Variants in SLC7A11 observed in about 807,000 individuals in gnomAD.
SLC7A11 encodes cystine/glutamate transporter.
Under a neutral mutation model 54.5 loss-of-function variants are expected in SLC7A11, and 35 were observed. The ratio of observed to expected loss-of-function variants is 0.64; its 90% CI spans 0.49 to 0.85. SLC7A11 has a LOEUF of 0.85. SLC7A11 is among the 40% of genes least tolerant of loss of function. The pLI is 0.00. For synonymous variants in SLC7A11, 230 were observed against 225.2 expected (o/e 1.02, Z -0.19); for missense variants, 583 against 618.1 (o/e 0.94, Z 0.60).
At chr4:138,210,999 T>C (rs2148436180) in intron 6 of SLC7A11, among the ~76,000 whole-genome samples, 1 of 152,170 alleles carries the variant, frequency 6.6e-6, no homozygotes, top group Middle Eastern at 3.4e-3. Context: ...TCAACTTTAG[T>C]TCCCATCAAA....
chr4:138,237,937 G>C lies in SLC7A11; in HGVS notation c.278-1486C>G, dbSNP rs918978356. Among the ~76,000 whole-genome samples the C allele has an allele frequency of 2.7e-5, 4 of 149,768 alleles. No individual in the cohort carries two copies. The Admixed American group carries it at 2.7e-4, about 10-fold the overall frequency. ...TGGCTAATTTTTTGTATTTTTAGTA[G>C]AGACAGGGTTTCTCAATTTTGGTCG... On this transcript the variant is annotated intron_variant, in intron 1 of 11. Coordinates refer to ENST00000280612, the MANE Select transcript of SLC7A11 (RefSeq NM_014331.4).
intron 4 of SLC7A11, among the ~76,000 whole-genome samples, chr4:138,220,230 G>A (rs1443780908): frequency 5.3e-5 from 8 of 151,840 alleles, no homozygotes; most frequent in South Asian, 4.2e-4. Flanking sequence ...GAGCCACTGC[G>A]TCTGGCTGCA....
rs1421917876 is a variant in SLC7A11, at chr4:138,183,227, T to C, written c.994A>G (p.Asn332Asp). Reference sequence around the variant, plus strand: ...CTGGAGACAGCAAACACACCACCGTTCATGGAGCCAAAGCAGGAGAGGGCA... The same window carrying C: ...CTGGAGACAGCAAACACACCACCGTCCATGGAGCCAAAGCAGGAGAGGGCA... ...FVALSCFGSM[N>D]GGVFAVSRLF... Residue 332 changes from asparagine to aspartate, a missense_variant, in exon 8 of 12, where the codon AAC becomes GAC. Transcript: ENST00000280612. 1.9e-6 allele frequency: 3 copies of C among 1,611,838 alleles called. No individual in the cohort carries two copies. The highest frequency in any genetic ancestry group is 1.7e-6 in the Non-Finnish European group (2 of 1,178,694).
At position 138,179,300 on chromosome 4, in the gene SLC7A11, A is replaced by G. The variant is rs1265840425; in HGVS notation, c.1361T>C (p.Phe454Ser). ...AGGGACTCCAGTCAGAGTGATGACGAAGCCAATCCCTGTACTAAATGGGTC... is the reference window on the plus strand; with the variant it reads ...AGGGACTCCAGTCAGAGTGATGACGGAGCCAATCCCTGTACTAAATGGGTC... ...YSDPFSTGIG[F>S]VITLTGVPAY... The change falls in exon 11 of 12, where the codon TTC (phenylalanine) becomes TCC (serine). Residue 454 changes from phenylalanine to serine, a missense_variant. Physicochemically the swap from Phe to Ser is radical, Grantham distance 155. Transcript: ENST00000280612. 2 of 1,612,704 alleles carry G rather than the reference A, an allele frequency of 1.2e-6. No individual in the cohort carries two copies. The highest frequency in any genetic ancestry group is 3.3e-5 in the Admixed American group (2 of 59,902).
At position 138,182,398 on chromosome 4, in the gene SLC7A11, TG is replaced by T; in HGVS notation, c.1020-6del. The stretch of plus-strand genomic sequence containing the variant: ...CGAGACGCAACATAGAATAACCTGA[TG>T]GGAGAGAAATGTGGGTGGAGTTGAC... On this transcript the variant is annotated splice_region_variant and splice_polypyrimidine_tract_variant and intron_variant, in intron 8 of 11. Coordinates refer to ENST00000280612, the MANE Select transcript of SLC7A11 (RefSeq NM_014331.4). The T allele has an allele frequency of 3.8e-6, 6 of 1,569,980 alleles. No homozygotes were observed. Among genetic ancestry groups the T allele is most frequent in the Non-Finnish European group, 5.3e-6 (6 of 1,140,636 alleles).
At chr4:138,175,537 C>T (rs1444037593) in intron 11 of SLC7A11, 1 of 151,988 alleles carries the variant, frequency 6.6e-6, no homozygotes, top group East Asian at 1.9e-4. Flanking sequence ...GCTTGTGTTT[C>T]TATAAGTAAA....
intron 3 of SLC7A11, 113 bp from the exon 4 acceptor site, chr4:138,223,437 G>T (rs1460559610): frequency 1.8e-6 from 2 of 1,130,924 alleles, no homozygotes; most frequent in African/African-American, 3.1e-5. Context: ...ACATTACTTA[G>T]AAGTGTTTTA....
intron 11 of SLC7A11, among the ~76,000 whole-genome samples, chr4:138,175,144 T>TC (rs1229580442): frequency 6.6e-6 from 1 of 152,224 alleles, no homozygotes; most frequent in Non-Finnish European, 1.5e-5. Context: ...AACAGTCTGT[T>TC]AAATGCATTA....
rs141122045 is a variant in SLC7A11 at position 138,171,965 on chromosome 4, A to G, written c.1497T>C (p.Asp499=). The change falls in exon 12 of 12, where the codon GAT becomes GAC. Residue 499 remains aspartate (D), a synonymous_variant. Coordinates refer to ENST00000280612, the MANE Select transcript of SLC7A11 (RefSeq NM_014331.4). ...TCTCAAGTCCATTAGTTCATAACTT[A>G]TCTTCTTCTGGTACAACTTCCAGTA... ...QIILEVVPEE[D]KL is the part of the protein sequence containing the mutation. The G allele has an allele frequency of 1.3e-6, 2 of 1,596,366 alleles. No individual in the cohort carries two copies. The highest frequency in any genetic ancestry group is 2.3e-5 in the East Asian group (1 of 43,386).
At chr4:138,222,083 C>T (rs1410043961) in intron 4 of SLC7A11, among the ~76,000 whole-genome samples, 3 of 152,196 alleles carry the variant, frequency 2.0e-5, no homozygotes, top group African/African-American at 7.2e-5. Flanking sequence ...TCAGTGCAAG[C>T]TCTAACGGTC....
At chr4:138,199,111 T>C (rs1192741422) in intron 6 of SLC7A11, among the ~76,000 whole-genome samples, 3 of 152,094 alleles carry the variant, frequency 2.0e-5, no homozygotes, top group African/African-American at 7.2e-5. Context: ...AAATACATTA[T>C]ATAACACCAA....
At chr4:138,216,860 C>T (rs1481732334) in intron 5 of SLC7A11, among the ~76,000 whole-genome samples, 1 of 152,156 alleles carries the variant, frequency 6.6e-6, no homozygotes, top group Non-Finnish European at 1.5e-5. Context: ...AGTGGAGAAT[C>T]ATTTACACTT....
chr4:138,195,021 T>A (rs1361602920), intron 6 of SLC7A11, among the ~76,000 whole-genome samples: 1 of 152,164 alleles, frequency 6.6e-6, no homozygotes, highest in Non-Finnish European at 1.5e-5. Flanking sequence ...AACTTTACAA[T>A]CTCTTCTCCT....
intron 5 of SLC7A11, among the ~76,000 whole-genome samples, chr4:138,216,161 C>T (rs1383850046): frequency 6.6e-6 from 1 of 152,142 alleles, no homozygotes; most frequent in East Asian, 1.9e-4. Flanking sequence ...TCTATTGTTC[C>T]AGCTTTTCCA....
intron 3 of SLC7A11, among the ~76,000 whole-genome samples, chr4:138,224,198 C>G (rs1737885158): frequency 6.6e-6 from 1 of 152,096 alleles, no homozygotes; most frequent in African/African-American, 2.4e-5. Flanking sequence ...GTTAGAAAAT[C>G]TAAGGCACAA....
chr4:138,195,573 C>T (rs902279192), intron 6 of SLC7A11, among the ~76,000 whole-genome samples: 4 of 152,110 alleles, frequency 2.6e-5, no homozygotes, highest in African/African-American at 7.2e-5. Context: ...CACATGGTTG[C>T]CCCCATTTTT....
chr4:138,196,327 G>A (rs1003473538), intron 6 of SLC7A11, among the ~76,000 whole-genome samples: 12 of 152,120 alleles, frequency 7.9e-5, no homozygotes, highest in Non-Finnish European at 1.5e-5. Flanking sequence ...GGGTGTGAGT[G>A]CCATGGAAAG....
chr4:138,232,683 T>C (rs936349122), intron 2 of SLC7A11, among the ~76,000 whole-genome samples: 61 of 152,344 alleles, frequency 4.0e-4, no homozygotes, highest in African/African-American at 1.4e-3. Context: ...CATGAGATCT[T>C]GACAGAGCTA....
At chr4:138,219,420 C>G in intron 4 of SLC7A11, 55 bp from the exon 5 acceptor site, 3 of 1,026,316 alleles carry the variant, frequency 2.9e-6, no homozygotes, top group Non-Finnish European at 4.6e-6. Flanking sequence ...TTCTTATTCA[C>G]TCTTAACCAG....
Sources: allele counts gnomAD v4.1 joint callset (sites outside exome capture counted in the v4.1 genomes callset), GRCh38; gene constraint gnomAD v4.1.1; transcripts MANE v1.5; gene names NCBI Gene and HGNC (gene_info 2026-07-23, HGNC 2026-07-21).